CSMD2: variants seen among roughly 807,000 people sequenced by gnomAD.
CSMD2 encodes the protein CUB and Sushi multiple domains 2.
CSMD2 carries 130 observed loss-of-function variants against 398.5 expected under a neutral mutation model. That is an observed-to-expected ratio of 0.33 (90% CI 0.28 to 0.38). The LOEUF is 0.38. Ranked by LOEUF, CSMD2 falls within the 10% of genes least tolerant of loss-of-function variation. The pLI, the probability that CSMD2 is intolerant of heterozygous loss-of-function variation, is 1.00. For synonymous variants in CSMD2, 1,828 were observed against 1,908.5 expected, an observed-to-expected ratio of 0.96 and a Z score of 1.10; for missense variants, 3,829 against 4,764.9, an observed-to-expected ratio of 0.80 and a Z score of 5.78.
chr1:33,517,883 T>C (rs1653902111), intron 70 of CSMD2, among the ~76,000 whole-genome samples: 1 of 152,224 alleles, frequency 6.6e-6, no homozygotes, highest in African/African-American at 2.4e-5. Flanking sequence ...CATTTGCTGC[T>C]CTTGTAACCC....
At chr1:34,098,584 A>C (rs1659637157) in intron 1 of CSMD2, among the ~76,000 whole-genome samples, 1 of 152,064 alleles carries the variant, frequency 6.6e-6, no homozygotes, top group Admixed American at 6.6e-5. Context: ...GTCCAGGAGT[A>C]AACAGGTAGG....
At position 33,917,086 on chromosome 1, in the gene CSMD2, C is replaced by T. The variant is rs1315132666; in HGVS notation, c.920+1008G>A. Among the ~76,000 whole-genome samples, 5 of 152,162 alleles carry T rather than the reference C, an allele frequency of 3.3e-5. 1 individual carries two copies. Among genetic ancestry groups the T allele is most frequent in the African/African-American group, 1.2e-4 (5 of 41,452 alleles). ...CCCCTATGCCCTCCGTCCATCCACTCCTGGAGCACAGCCCCGCCAGACCTG... is the reference window on the plus strand; with the variant it reads ...CCCCTATGCCCTCCGTCCATCCACTTCTGGAGCACAGCCCCGCCAGACCTG... On this transcript the variant is annotated intron_variant, in intron 5 of 70. Transcript: ENST00000373381.
At chr1:33,849,166 G>A (rs898434680) in intron 5 of CSMD2, among the ~76,000 whole-genome samples, 1 of 152,198 alleles carries the variant, frequency 6.6e-6, no homozygotes, top group South Asian at 2.1e-4. Flanking sequence ...TGCCCATGCA[G>A]CTTTACTCTG....
chr1:33,927,386 G>A (rs1644163417), intron 4 of CSMD2, among the ~76,000 whole-genome samples: 1 of 152,168 alleles, frequency 6.6e-6, no homozygotes. Flanking sequence ...GAAGAATGTA[G>A]ACAGGACATG....
At chr1:33,857,284 AGAG>A (rs778441978) in intron 5 of CSMD2, among the ~76,000 whole-genome samples, 2 of 152,112 alleles carry the variant, frequency 1.3e-5, no homozygotes, top group Non-Finnish European at 2.9e-5. Flanking sequence ...AAAATGGGGG[AGAG>A]GAGAATTCCT....
intron 8 of CSMD2, 96 bp from the exon 9 acceptor site, chr1:33,819,933 T>A: frequency 6.6e-7 from 1 of 1,515,316 alleles, no homozygotes. Context: ...CACATGTTAT[T>A]TTTCCTTCTG....
intron 5 of CSMD2, among the ~76,000 whole-genome samples, chr1:33,888,728 T>C (rs1360687397): frequency 2.0e-5 from 3 of 151,370 alleles, no homozygotes; most frequent in African/African-American, 7.3e-5. Flanking sequence ...AGAAGTTTTA[T>C]GTGATCAAAT....
chr1:33,553,640 G>A (rs1657673478), intron 55 of CSMD2, among the ~76,000 whole-genome samples: 1 of 152,184 alleles, frequency 6.6e-6, no homozygotes, highest in Non-Finnish European at 1.5e-5. Context: ...CGGAAGCTGA[G>A]ACAGCCCTAA....
intron 1 of CSMD2, among the ~76,000 whole-genome samples, chr1:34,104,826 G>A (rs1660368360): frequency 6.6e-6 from 1 of 152,182 alleles, no homozygotes; most frequent in Admixed American, 6.5e-5. Context: ...CCAAGAACTA[G>A]GTCATTAGGG....
intron 47 of CSMD2, among the ~76,000 whole-genome samples, chr1:33,582,011 G>C (rs1236582096): frequency 1.3e-5 from 2 of 152,184 alleles, no homozygotes; most frequent in East Asian, 3.9e-4. Flanking sequence ...GGAAGACCTG[G>C]AGGACACTCC....
Position 33,611,046 on chromosome 1 carries a change from T to C in CSMD2, c.6338A>G (p.Tyr2113Cys). The change falls in exon 41 of 71, where the codon TAT becomes TGT. Residue 2113 changes from tyrosine (Y) to cysteine (C), a missense_variant. Around this residue, in one of 5 missense-constraint regions of CSMD2, gnomAD observed 2,001 missense variants for 2,567.1 expected, o/e 0.78. Coordinates refer to ENST00000373381, the MANE Select transcript of CSMD2 (RefSeq NM_001281956.2). ...GCGGTGCTCCTTGTCCTTACCCTGA[T>C]ACTCCAGCTTGAATCCTGGCCGATT... ...SQNRPGFKLEYQAYELQECPD... is the reference protein window; with the variant it reads ...SQNRPGFKLECQAYELQECPD... The C allele has an allele frequency of 6.8e-6, 11 of 1,613,716 alleles. No homozygotes were observed. Among genetic ancestry groups the C allele is most frequent in the Non-Finnish European group, 6.8e-6 (8 of 1,179,894 alleles).
At chr1:33,830,745 A>T (rs190229184) in intron 6 of CSMD2, among the ~76,000 whole-genome samples, 1 of 152,226 alleles carries the variant, frequency 6.6e-6, no homozygotes, top group African/African-American at 2.4e-5. Flanking sequence ...CCAAAGGCAA[A>T]GAAGTTGAAA....
intron 45 of CSMD2, among the ~76,000 whole-genome samples, chr1:33,586,854 C>A (rs1639115157): frequency 6.6e-6 from 1 of 152,208 alleles, no homozygotes; most frequent in Non-Finnish European, 1.5e-5. Context: ...GGATTTATTT[C>A]TCAAAAAGAT....
intron 1 of CSMD2, among the ~76,000 whole-genome samples, chr1:34,122,259 C>A (rs1489364798): frequency 6.6e-6 from 1 of 152,070 alleles, no homozygotes; most frequent in South Asian, 2.1e-4. Flanking sequence ...CAGTGTCCAG[C>A]CCAAAATGCC....
At chr1:33,883,937 C>T (rs56111440) in intron 5 of CSMD2, among the ~76,000 whole-genome samples, 18,856 of 151,980 alleles carry the variant, frequency 0.12, 1,689 homozygotes, top group African/African-American at 0.25. Flanking sequence ...CTGGGCAGGG[C>T]GGGGCTGGGG....
intron 3 of CSMD2, among the ~76,000 whole-genome samples, chr1:34,029,712 C>T (rs1039384198): frequency 6.6e-6 from 1 of 152,252 alleles, no homozygotes; most frequent in South Asian, 2.1e-4. Context: ...GCCACACATC[C>T]TGCGTAGTTT....
At chr1:33,588,425 T>C (rs969714726) in intron 44 of CSMD2, among the ~76,000 whole-genome samples, 8 of 152,142 alleles carry the variant, frequency 5.3e-5, no homozygotes, top group African/African-American at 1.4e-4. Context: ...TTCAAGTACA[T>C]GACCCTTTTG....
chr1:34,114,593 G>T (rs1661428679), intron 1 of CSMD2, among the ~76,000 whole-genome samples: 1 of 152,076 alleles, frequency 6.6e-6, no homozygotes. Flanking sequence ...TAGCTACTCA[G>T]GAGGCTGAAG....
At position 33,924,392 on chromosome 1, in the gene CSMD2, T is replaced by C. The variant is rs149718834; in HGVS notation, c.713-6091A>G. ...TTCCACCATGTATGTGTATACCACA[T>C]ACACACATATATATTACATATACCA... On this transcript the variant is annotated intron_variant, in intron 4 of 70. Transcript: ENST00000373381. 2.1e-4 allele frequency among the ~76,000 whole-genome samples: 32 copies of C among 152,328 alleles called. No individual in the cohort carries two copies. In the East Asian group the frequency reaches 6.0e-3, roughly 28 times the overall value.
Sources: allele counts gnomAD v4.1 joint callset (sites outside exome capture counted in the v4.1 genomes callset), GRCh38; gene constraint gnomAD v4.1.1; regional missense constraint gnomAD v4.1.1; transcripts MANE v1.5; gene names NCBI Gene and HGNC (gene_info 2026-07-23, HGNC 2026-07-21).